Variants in PSMD12 observed in about 807,000 individuals in gnomAD.
PSMD12 encodes the protein 26S proteasome non-ATPase regulatory subunit 12.
Under a neutral mutation model 62.9 loss-of-function variants are expected in PSMD12, and 8 were observed. The ratio of observed to expected loss-of-function variants is 0.13; its 90% CI spans 0.07 to 0.23. The LOEUF is 0.23. Among genes scored for constraint, PSMD12 ranks in the 10% least tolerant of loss-of-function variants. The probability of loss-of-function intolerance (pLI) is 1.00; values close to 1 mark genes in which losing one functional copy is unlikely to be tolerated. For synonymous variants in PSMD12, 173 were observed against 187.4 expected (o/e 0.92, Z 0.63); for missense variants, 424 against 550.2 (o/e 0.77, Z 2.29).
Position 67,339,836 on chromosome 17 carries a change from T to G in PSMD12, c.*1007A>C, listed in dbSNP as rs1443759511. The G allele has an allele frequency of 6.6e-6, 1 of 152,038 alleles. No homozygotes were observed. 9.4% of individuals were successfully genotyped at this position (152,038 alleles called of 1,614,324 possible). On this transcript the variant is annotated 3_prime_UTR_variant, in exon 11 of 11. Transcript: ENST00000356126. ...TCTTTGACAGCAAGCTACTTTTAAT[T>G]CCGTGAAAATATTTTAATACTACAC...
intron 1 of PSMD12, among the ~76,000 whole-genome samples, chr17:67,358,583 A>G (rs1401337163): frequency 8.7e-5 from 13 of 149,076 alleles, no homozygotes; most frequent in Admixed American, 1.3e-4. Context: ...AAAAAAAAAA[A>G]AAAGAAAAGA....
chr17:67,341,293 A>AC (rs1193921820), intron 10 of PSMD12, among the ~76,000 whole-genome samples: 8 of 151,618 alleles, frequency 5.3e-5, no homozygotes, highest in African/African-American at 1.7e-4. Flanking sequence ...ACATGGTGAA[A>AC]CCCCATCTCT....
chr17:67,339,585 G>A lies in PSMD12; in HGVS notation c.*1258C>T, dbSNP rs2041891583. On this transcript the variant is annotated 3_prime_UTR_variant, in exon 11 of 11. Transcript: ENST00000356126. ...CTTCAGTCCTGGGATCATAAAATAGGACAATTGATAATCTTCCATTAAGTG... is the reference window on the plus strand; with the variant it reads ...CTTCAGTCCTGGGATCATAAAATAGAACAATTGATAATCTTCCATTAAGTG... 2.6e-5 allele frequency: 4 copies of A among 152,076 alleles called. No individual in the cohort carries two copies. In the South Asian group the frequency reaches 8.3e-4, roughly 32 times the overall value. The allele number at this position is 152,076 out of a possible 1,614,324, so 9.4% of individuals were successfully genotyped here.
At position 67,344,626 on chromosome 17, in the gene PSMD12, T is replaced by C. The variant is rs1183768056; in HGVS notation, c.1063A>G (p.Lys355Glu). The C allele has an allele frequency of 6.2e-7, 1 of 1,611,094 alleles. No individual in the cohort carries two copies. Among genetic ancestry groups the C allele is most frequent in the African/African-American group, 1.3e-5 (1 of 74,850 alleles). Reference sequence around the variant, plus strand: ...CTTACATGTTCAACAACTCTGTTCTTCAAGTCTTTCCACCTTTTTTCACCT... The same window carrying C: ...CTTACATGTTCAACAACTCTGTTCTCCAAGTCTTTCCACCTTTTTTCACCT... ...EEGEKRWKDL[K>E]NRVVEHNIRI... The change falls in exon 9 of 11, where the codon AAG becomes GAG. Residue 355 changes from lysine to glutamate, a missense_variant. Lys to Glu is a moderately conservative substitution (Grantham distance 56). Coordinates refer to ENST00000356126, the MANE Select transcript of PSMD12 (RefSeq NM_002816.5).
intron 3 of PSMD12, among the ~76,000 whole-genome samples, chr17:67,356,000 A>G (rs917564673): frequency 2.6e-5 from 4 of 150,966 alleles, no homozygotes; most frequent in South Asian, 4.2e-4. Flanking sequence ...ACACACACAC[A>G]CACACACACG....
intron 1 of PSMD12, among the ~76,000 whole-genome samples, chr17:67,364,238 A>G (rs923874227): frequency 3.3e-5 from 5 of 152,074 alleles, no homozygotes; most frequent in African/African-American, 9.7e-5. Context: ...GGCTTAAAAA[A>G]AAAAATCAAA....
At chr17:67,348,769 AG>A in intron 4 of PSMD12, 115 bp from the exon 5 acceptor site, 1 of 817,508 alleles carries the variant, frequency 1.2e-6, no homozygotes, top group Non-Finnish European at 1.9e-6. Flanking sequence ...AGGCTGAGGC[AG>A]GAGGATCGCT....
intron 1 of PSMD12, among the ~76,000 whole-genome samples, chr17:67,359,731 T>C (rs2042112308): frequency 6.6e-6 from 1 of 152,208 alleles, no homozygotes; most frequent in Admixed American, 6.5e-5. Flanking sequence ...ATTCTTAACA[T>C]ATTTTAACAA....
chr17:67,364,769 A>G (rs2042163838), intron 1 of PSMD12, among the ~76,000 whole-genome samples: 1 of 152,206 alleles, frequency 6.6e-6, no homozygotes, highest in South Asian at 2.1e-4. Context: ...TGAGAAATTC[A>G]TCTTCCTGGT....
chr17:67,357,129 G>GA, intron 3 of PSMD12, 174 bp downstream of exon 3: 2 of 665,102 alleles, frequency 3.0e-6, no homozygotes, highest in South Asian at 2.9e-5. Flanking sequence ...AAGACTAGAA[G>GA]AAAAAACAGA....
At chr17:67,366,013 A>G (rs911969313) in intron 1 of PSMD12, among the ~76,000 whole-genome samples, 6 of 152,190 alleles carry the variant, frequency 3.9e-5, no homozygotes, top group Non-Finnish European at 8.8e-5. Flanking sequence ...GCCATGATCC[A>G]CAAACGATGT....
At chr17:67,342,626 G>A (rs539436269) in intron 9 of PSMD12, 35 of 158,170 alleles carry the variant, frequency 2.2e-4, no homozygotes, top group South Asian at 9.4e-4. Context: ...ATGTTTTAAA[G>A]GCTAAAATCT....
At chr17:67,364,729 T>C (rs1447385254) in intron 1 of PSMD12, among the ~76,000 whole-genome samples, 1 of 152,218 alleles carries the variant, frequency 6.6e-6, no homozygotes, top group Admixed American at 6.5e-5. Flanking sequence ...GACAGATTAG[T>C]ATCCAATTTC....
chr17:67,351,392 A>AAAT (rs56142901), intron 3 of PSMD12, among the ~76,000 whole-genome samples: 8,074 of 140,084 alleles, frequency 0.058, 266 homozygotes, highest in African/African-American at 0.076. Context: ...ACTTGTCTCA[A>AAAT]AATAATAATA....
intron 3 of PSMD12, among the ~76,000 whole-genome samples, chr17:67,354,039 G>A (rs918160011): frequency 1.3e-5 from 2 of 152,184 alleles, no homozygotes; most frequent in African/African-American, 2.4e-5. Context: ...AGGGTGCCAA[G>A]GGCAAGAACT....
At chr17:67,354,987 C>T (rs1194237215) in intron 3 of PSMD12, among the ~76,000 whole-genome samples, 2 of 151,390 alleles carry the variant, frequency 1.3e-5, no homozygotes, top group African/African-American at 4.9e-5. Context: ...AAGACTGTCT[C>T]AAATAAATAA....
At chr17:67,345,534 C>G in intron 8 of PSMD12, 2 of 472,876 alleles carry the variant, frequency 4.2e-6, no homozygotes, top group South Asian at 5.3e-5. Context: ...CCCGGCTACT[C>G]GGAAGGTTGA....
chr17:67,364,987 C>T lies in PSMD12; in HGVS notation c.108+1425G>A, dbSNP rs545390026. 4.7e-4 allele frequency among the ~76,000 whole-genome samples: 71 copies of T among 152,084 alleles called. 1 individual carries two copies. The South Asian group carries it at 0.015, about 31-fold the overall frequency. On this transcript the variant is annotated intron_variant, in intron 1 of 10. Coordinates refer to ENST00000356126, the MANE Select transcript of PSMD12 (RefSeq NM_002816.5). ...TCACTTTAGGTCAGGAGGTCGCGTG[C>T]GACCAGCCTGGCCAACGTAGTGAAA...
At chr17:67,361,980 A>ACTGGAACG (rs71139140) in intron 1 of PSMD12, among the ~76,000 whole-genome samples, 37,181 of 149,126 alleles carry the variant, frequency 0.25, 4,981 homozygotes, top group Non-Finnish European at 0.3. Flanking sequence ...GTGTTCCATT[A>ACTGGAACG]CTGGAACGCT....
Sources: allele counts gnomAD v4.1 joint callset (sites outside exome capture counted in the v4.1 genomes callset), GRCh38; gene constraint gnomAD v4.1.1; transcripts MANE v1.5; gene names NCBI Gene and HGNC (gene_info 2026-07-23, HGNC 2026-07-21).